Variants in USP15 observed in about 807,000 individuals in gnomAD.
The protein encoded by USP15 is ubiquitin carboxyl-terminal hydrolase 15.
A neutral mutation model predicts 127.1 loss-of-function variants in USP15; 18 were observed. The observed-to-expected ratio is 0.14, with a 90% CI of 0.10 to 0.21. USP15 has a LOEUF of 0.21. Ranked by LOEUF, USP15 falls within the 10% of genes least tolerant of loss-of-function variation. The pLI is 1.00. For missense variants in USP15, 805 were observed against 1,159.9 expected (o/e 0.69, Z 4.44); for synonymous variants, 364 against 393.7 (o/e 0.92, Z 0.89).
chr12:62,390,010 AT>A (rs527720271), intron 14 of USP15, 22 bp downstream of exon 14: 90 of 1,542,722 alleles, frequency 5.8e-5, no homozygotes, highest in Non-Finnish European at 7.9e-5. Context: ...ACAATTCTAC[AT>A]TGACAAAATA....
At chr12:62,384,686 T>C (rs2067093884) in intron 11 of USP15, among the ~76,000 whole-genome samples, 1 of 151,848 alleles carries the variant, frequency 6.6e-6, no homozygotes, top group Non-Finnish European at 1.5e-5. Context: ...GCTAATACTT[T>C]TAATTCATAG....
intron 6 of USP15, among the ~76,000 whole-genome samples, chr12:62,330,386 C>T (rs2065254103): frequency 6.6e-6 from 1 of 151,094 alleles, no homozygotes; most frequent in African/African-American, 2.4e-5. Flanking sequence ...GTCAGGATTT[C>T]AAAACCAGCC....
At chr12:62,380,598 C>G (rs1416542489) in intron 8 of USP15, among the ~76,000 whole-genome samples, 1 of 152,040 alleles carries the variant, frequency 6.6e-6, no homozygotes, top group Non-Finnish European at 1.5e-5. Flanking sequence ...CACTTTGCCA[C>G]TTAATTCCAA....
At chr12:62,304,742 C>T in intron 3 of USP15, 1 of 449,478 alleles carries the variant, frequency 2.2e-6, no homozygotes, top group African/African-American at 2.0e-5. Context: ...AATCAAAATC[C>T]AAGAGAAACA....
At chr12:62,401,858 T>TTGTGTG (rs3085021) in intron 21 of USP15, among the ~76,000 whole-genome samples, 2 of 146,984 alleles carry the variant, frequency 1.4e-5, no homozygotes, top group South Asian at 4.3e-4. Context: ...CAGTATGGGT[T>TTGTGTG]TGTGTGTGTG....
At chr12:62,391,683 C>A in intron 16 of USP15, 133 bp from the exon 17 acceptor site, 1 of 912,156 alleles carries the variant, frequency 1.1e-6, no homozygotes, top group Non-Finnish European at 1.6e-6. Context: ...TTGGAAACTG[C>A]TGTTTGCCCT....
At chr12:62,329,078 A>G (rs1246064593) in intron 6 of USP15, among the ~76,000 whole-genome samples, 2 of 152,188 alleles carry the variant, frequency 1.3e-5, no homozygotes, top group Non-Finnish European at 2.9e-5. Flanking sequence ...ATTCACTTAT[A>G]TTTAGTGAAT....
chr12:62,260,446 C>T lies in USP15; in HGVS notation c.32C>T (p.Thr11Ile). The T allele has an allele frequency of 6.4e-7, 1 of 1,552,000 alleles. No homozygotes were observed. ...GAAGGCGGAGCGGCGGATCTGGACA[C>T]CCAGCGGTCTGACATCGCGACGCTG... MAEGGAADLD[T>I]QRSDIATLLK... The change falls in exon 1 of 22, where the codon ACC becomes ATC. Residue 11 changes from threonine (T) to isoleucine (I), a missense_variant. Around this residue, in one of 11 missense-constraint regions of USP15, gnomAD observed 45 missense variants for 37.8 expected, o/e 1.19. Transcript: ENST00000280377.
At chr12:62,377,797 T>C (rs1382237515) in intron 8 of USP15, among the ~76,000 whole-genome samples, 1 of 152,054 alleles carries the variant, frequency 6.6e-6, no homozygotes, top group Non-Finnish European at 1.5e-5. Context: ...TAACATCACG[T>C]GGGGCGTGGC....
At position 62,390,834 on chromosome 12, in the gene USP15, G is replaced by C. The variant is rs1207134732; in HGVS notation, c.1845-30G>C. 3.9e-6 allele frequency: 6 copies of C among 1,534,722 alleles called. No homozygotes were observed. In the Admixed American group the frequency reaches 5.3e-5, roughly 14 times the overall value. On this transcript the variant is annotated intron_variant, in intron 14 of 21. Transcript: ENST00000280377. ...TAAAAGTTTTTATCTTTGTAGTACT[G>C]AACTTGTTTGATTTTTGATTTTACT... is the stretch of plus-strand genomic sequence containing the variant.
intron 1 of USP15, among the ~76,000 whole-genome samples, chr12:62,273,005 C>T (rs190084924): frequency 1.1e-3 from 165 of 151,962 alleles, no homozygotes; most frequent in African/African-American, 3.8e-3. Flanking sequence ...AGATGAAATC[C>T]TTGTCATTGC....
intron 8 of USP15, 97 bp from the exon 9 acceptor site, chr12:62,381,393 T>C: frequency 1.9e-6 from 2 of 1,075,744 alleles, no homozygotes; most frequent in Non-Finnish European, 2.6e-6. Context: ...TTCTCTGTGT[T>C]ATAGCAAATC....
intron 4 of USP15, among the ~76,000 whole-genome samples, chr12:62,315,386 A>C (rs1432127666): frequency 6.6e-6 from 1 of 151,968 alleles, no homozygotes; most frequent in Non-Finnish European, 1.5e-5. Context: ...TTGTAAGTCA[A>C]ATATAAGTGG....
At chr12:62,328,456 C>T (rs774175835) in intron 6 of USP15, 5 of 223,664 alleles carry the variant, frequency 2.2e-5, no homozygotes, top group Non-Finnish European at 4.9e-5. Flanking sequence ...AATTTCTAAC[C>T]CCTGCCATTT....
chr12:62,325,737 T>C, intron 5 of USP15, 135 bp from the exon 6 acceptor site: 1 of 629,710 alleles, frequency 1.6e-6, no homozygotes, highest in Non-Finnish European at 2.6e-6. Context: ...GCAGATTACC[T>C]GTTCACCTTG....
At position 62,406,865 on chromosome 12, in the gene USP15, TGAG is replaced by T. The variant is rs992829306; in HGVS notation, c.*2492_*2494del. ...CTGTGTTCCCAGCTACTGGGGAGGC[TGAG>T]GTGAGAGAATTGCTTGAGCCCAGGC... On this transcript the variant is annotated 3_prime_UTR_variant, in exon 22 of 22. Coordinates refer to ENST00000280377, the MANE Select transcript of USP15 (RefSeq NM_001252078.2). 4.0e-5 allele frequency: 6 copies of T among 151,738 alleles called. No homozygotes were observed. Among genetic ancestry groups the T allele is most frequent in the Non-Finnish European group, 7.4e-5 (5 of 68,022 alleles). The allele number at this position is 151,738 out of a possible 1,614,324, so 9.4% of individuals were successfully genotyped here.
At chr12:62,326,456 CA>C (rs2065129146) in intron 6 of USP15, among the ~76,000 whole-genome samples, 1 of 152,076 alleles carries the variant, frequency 6.6e-6, no homozygotes, top group Non-Finnish European at 1.5e-5. Flanking sequence ...AACACAAGGC[CA>C]GTTGTGTTTA....
At chr12:62,272,858 A>G (rs1315376027) in intron 1 of USP15, among the ~76,000 whole-genome samples, 2 of 152,068 alleles carry the variant, frequency 1.3e-5, no homozygotes, top group African/African-American at 4.8e-5. Flanking sequence ...ACTTTATGTA[A>G]GTTTTTGACG....
chr12:62,270,029 C>T (rs558601928), intron 1 of USP15, among the ~76,000 whole-genome samples: 3 of 152,010 alleles, frequency 2.0e-5, no homozygotes, highest in African/African-American at 4.8e-5. Context: ...TTTTTCACCT[C>T]GTCAGCACTT....
Sources: gnomAD v4.1 joint callset for allele counts (sites outside exome capture counted in the v4.1 genomes callset) on GRCh38, gnomAD v4.1.1 for gene constraint, gnomAD v4.1.1 regional missense constraint, MANE v1.5 for transcripts, NCBI Gene and HGNC (gene_info 2026-07-23, HGNC 2026-07-21) for gene names.